TGFBR2: variants seen among roughly 807,000 people sequenced by gnomAD.
The protein encoded by TGFBR2 is TGF-beta receptor type-2.
TGFBR2 carries 18 observed loss-of-function variants against 49.0 expected under a neutral mutation model. That is an observed-to-expected ratio of 0.37 (90% CI 0.25 to 0.54). The LOEUF (loss-of-function observed/expected upper bound fraction) is 0.54, where lower values mean the gene tolerates loss of function less well. TGFBR2 is among the 20% of genes least tolerant of loss of function. The probability of loss-of-function intolerance (pLI) is 0.85; values close to 1 mark genes in which losing one functional copy is unlikely to be tolerated. For missense variants in TGFBR2, 525 were observed against 722.6 expected, an observed-to-expected ratio of 0.73 and a Z score of 3.13; for synonymous variants, 282 against 275.9, an observed-to-expected ratio of 1.02 and a Z score of -0.22.
chr3:30,678,770 G>A (rs1699486108), intron 5 of TGFBR2, among the ~76,000 whole-genome samples: 1 of 152,048 alleles, frequency 6.6e-6, no homozygotes, highest in Non-Finnish European at 1.5e-5. Context: ...TAGTTGTATT[G>A]ATACTTTTTT....
intron 3 of TGFBR2, among the ~76,000 whole-genome samples, chr3:30,651,977 C>T (rs974504500): frequency 1.1e-4 from 17 of 152,318 alleles, no homozygotes; most frequent in East Asian, 3.9e-4. Context: ...ATTCCACCTG[C>T]GAGAAGCTAT....
At chr3:30,665,062 A>G (rs992212570) in intron 3 of TGFBR2, among the ~76,000 whole-genome samples, 1 of 152,234 alleles carries the variant, frequency 6.6e-6, no homozygotes, top group Non-Finnish European at 1.5e-5. Context: ...TAGTGCACTA[A>G]TGAGCCTCAG....
intron 1 of TGFBR2, among the ~76,000 whole-genome samples, chr3:30,622,792 A>G (rs1698255218): frequency 6.7e-6 from 1 of 150,322 alleles, no homozygotes; most frequent in Non-Finnish European, 1.5e-5. Flanking sequence ...AGCCAGGAGA[A>G]TCACTTGAAC....
intron 1 of TGFBR2, among the ~76,000 whole-genome samples, chr3:30,628,569 T>G (rs1559451041): frequency 1.4e-5 from 2 of 143,742 alleles, no homozygotes; most frequent in South Asian, 4.5e-4. Context: ...AAATGTTAAT[T>G]TCCTTTCTTT....
At chr3:30,688,282 C>A in intron 5 of TGFBR2, 102 bp from the exon 6 acceptor site, 1 of 1,480,444 alleles carries the variant, frequency 6.8e-7, no homozygotes, top group Non-Finnish European at 9.4e-7. Flanking sequence ...GTATTTGTTA[C>A]TTAGTGCTTC....
intron 1 of TGFBR2, among the ~76,000 whole-genome samples, chr3:30,630,837 G>C (rs376084649): frequency 6.6e-6 from 1 of 152,064 alleles, no homozygotes. Context: ...CAGCAACAAA[G>C]CACCATCTTG....
At chr3:30,640,750 A>G (rs6801714) in intron 1 of TGFBR2, among the ~76,000 whole-genome samples, 44,343 of 152,068 alleles carry the variant, frequency 0.29, 7,544 homozygotes, top group East Asian at 0.68. Flanking sequence ...TAATATAAGA[A>G]TATCTTAACT....
rs574182283 is a variant in TGFBR2, at chr3:30,625,793, A to G, written c.94+18816A>G. Among the ~76,000 whole-genome samples, 6 of 152,302 alleles carry G rather than the reference A, an allele frequency of 3.9e-5. No individual in the cohort carries two copies. In the South Asian group the frequency reaches 1.2e-3, roughly 32 times the overall value. On this transcript the variant is annotated intron_variant, in intron 1 of 6. Coordinates refer to ENST00000295754, the MANE Select transcript of TGFBR2 (RefSeq NM_003242.6). ...ATATGTATATAATAATGTTCTGGTT[A>G]TAATGCAGTTTGCAGTTTTTCTAGT...
intron 3 of TGFBR2, chr3:30,661,535 G>A (rs1699130053): frequency 2.0e-6 from 1 of 504,696 alleles, no homozygotes. Flanking sequence ...TTGACAGGTA[G>A]ATGTAAAATC....
chr3:30,638,110 T>G (rs749882505), intron 1 of TGFBR2, among the ~76,000 whole-genome samples: 17 of 152,242 alleles, frequency 1.1e-4, no homozygotes, highest in Non-Finnish European at 2.4e-4. Context: ...TAGAGCTTAT[T>G]CTCTGGTGAT....
chr3:30,618,817 T>C (rs1179936433), intron 1 of TGFBR2, among the ~76,000 whole-genome samples: 2 of 152,246 alleles, frequency 1.3e-5, no homozygotes, highest in East Asian at 3.8e-4. Context: ...GAAGACCCAA[T>C]AAATTTCTCT....
At chr3:30,665,340 C>G (rs1313132695) in intron 3 of TGFBR2, among the ~76,000 whole-genome samples, 1 of 152,146 alleles carries the variant, frequency 6.6e-6, no homozygotes, top group Non-Finnish European at 1.5e-5. Context: ...ACTAAGTAGA[C>G]AAAAATGTTG....
chr3:30,635,684 G>T (rs941789434), intron 1 of TGFBR2, among the ~76,000 whole-genome samples: 1 of 152,136 alleles, frequency 6.6e-6, no homozygotes, highest in African/African-American at 2.4e-5. Context: ...GTACCTCATT[G>T]GATGAATTCA....
chr3:30,687,480 T>A (rs1455324264), intron 5 of TGFBR2, among the ~76,000 whole-genome samples: 1 of 152,150 alleles, frequency 6.6e-6, no homozygotes, highest in Non-Finnish European at 1.5e-5. Context: ...TCCTTCAGCC[T>A]CCTAAAGTGC....
At chr3:30,623,223 A>G in intron 1 of TGFBR2, 2 of 1,602,062 alleles carry the variant, frequency 1.2e-6, no homozygotes, top group East Asian at 2.2e-5. Flanking sequence ...GCCCAGAAAG[A>G]TGAAATCATC....
intron 1 of TGFBR2, among the ~76,000 whole-genome samples, chr3:30,623,595 G>T (rs962474346): frequency 6.6e-6 from 1 of 152,040 alleles, no homozygotes; most frequent in Non-Finnish European, 1.5e-5. Context: ...TTAATACACC[G>T]TGTGGTCTGC....
chr3:30,673,407 A>G (rs1261182035), intron 4 of TGFBR2, among the ~76,000 whole-genome samples: 3 of 152,204 alleles, frequency 2.0e-5, no homozygotes, highest in Non-Finnish European at 4.4e-5. Flanking sequence ...TAAGTGAGCC[A>G]TTCTCTGGAA....
chr3:30,672,546 T>C lies in TGFBR2; in HGVS notation c.1254+109T>C. The C allele has an allele frequency of 8.0e-7, 1 of 1,253,080 alleles. No homozygotes were observed. 77.6% of individuals were successfully genotyped at this position (1,253,080 alleles called of 1,614,324 possible). ...TCAAACAGCCCTGTACTCTGGACAC[T>C]GGTCTAGGGAATCTAGCCAAAGTAT... On this transcript the variant is annotated intron_variant, in intron 4 of 6. Transcript: ENST00000295754. The surrounding 1 kb of genome is among the most constrained non-coding windows in gnomAD (Gnocchi z 4.5).
intron 2 of TGFBR2, among the ~76,000 whole-genome samples, chr3:30,649,967 C>T (rs1323818688): frequency 6.6e-6 from 1 of 152,084 alleles, no homozygotes; most frequent in Non-Finnish European, 1.5e-5. Context: ...TTAATTAAGA[C>T]TTAAATATGT....
Sources: gnomAD v4.1 joint callset for allele counts (sites outside exome capture counted in the v4.1 genomes callset) on GRCh38, gnomAD v4.1.1 for gene constraint, Gnocchi (gnomAD v3.1) non-coding constraint, MANE v1.5 for transcripts, NCBI Gene and HGNC (gene_info 2026-07-23, HGNC 2026-07-21) for gene names.